SPATA32: variants seen among roughly 807,000 people sequenced by gnomAD.
The protein encoded by SPATA32 is spermatogenesis associated 32, also known as spermatogenesis-associated protein 32.
A neutral mutation model predicts 35.4 loss-of-function variants in SPATA32; 28 were observed. The observed-to-expected ratio is 0.79, with a 90% CI of 0.59 to 1.09. The LOEUF is 1.09. SPATA32 is among the 50% of genes least tolerant of loss of function. The probability of loss-of-function intolerance (pLI) is 0.00; values close to 1 mark genes in which losing one functional copy is unlikely to be tolerated. For synonymous variants in SPATA32, 168 were observed against 196.3 expected, an observed-to-expected ratio of 0.86 and a Z score of 1.20; for missense variants, 409 against 475.9, an observed-to-expected ratio of 0.86 and a Z score of 1.31.
chr17:45,254,803 G>A (rs1379425954), intron 4 of SPATA32, among the ~76,000 whole-genome samples: 7 of 152,210 alleles, frequency 4.6e-5, no homozygotes, highest in African/African-American at 1.7e-4. Flanking sequence ...CAACCTTGGT[G>A]AGGCCCGACC....
At position 45,255,573 on chromosome 17, in the gene SPATA32, G is replaced by A. The variant is rs758270742; in HGVS notation, c.609C>T (p.Ser203=). 32 of 1,613,948 alleles carry A rather than the reference G, an allele frequency of 2.0e-5. No homozygotes were observed. The highest frequency in any genetic ancestry group is 8.3e-5 in the Admixed American group (5 of 60,008). The change falls in exon 4 of 5, where the codon TCC becomes TCT. Residue 203 remains serine (S), a synonymous_variant. Transcript: ENST00000331780. The surrounding 1 kb of genome is among the most constrained non-coding windows in gnomAD (Gnocchi z 5.4). ...CATCAGGGATCTGGAGCTGCTCCTC[G>A]GAGCACAGGGCGTTGGTGGGGATGG... The part of the protein sequence containing the change: ...REAIPTNALC[S]EEQLQIPDAH...
At chr17:45,257,417 C>A (rs1392072096) in intron 1 of SPATA32, among the ~76,000 whole-genome samples, 2 of 152,174 alleles carry the variant, frequency 1.3e-5, no homozygotes, top group East Asian at 1.9e-4. Context: ...CTGTGCCTTG[C>A]CTCCTCGGAG....
Position 45,255,460 on chromosome 17 carries a change from AG to A in SPATA32, c.721del (p.Leu241Ter). The A allele has an allele frequency of 1.2e-6, 2 of 1,614,114 alleles. No individual in the cohort carries two copies. Among genetic ancestry groups the A allele is most frequent in the Non-Finnish European group, 1.7e-6 (2 of 1,180,014 alleles). On this transcript the variant is annotated frameshift_variant, in exon 4 of 5. Coordinates refer to ENST00000331780, the MANE Select transcript of SPATA32 (RefSeq NM_152343.3). LOFTEE classifies it high-confidence loss of function. The surrounding 1 kb of genome is among the most constrained non-coding windows in gnomAD (Gnocchi z 5.4). The stretch of plus-strand genomic sequence containing the variant: ...GGCCAGGGAAGATGCAAAGGTGATT[AG>A]CTCTGTCAGGTCAATGGGTGGCGGG... ...DLPPPIDLTELITFASSLAMA... is the reference protein window; with the variant it reads ...DLPPPIDLTEXITFASSLAMA...
At position 45,256,170 on chromosome 17, in the gene SPATA32, G is replaced by C; in HGVS notation, c.109-97C>G. The C allele has an allele frequency of 7.1e-7, 1 of 1,403,860 alleles. No homozygotes were observed. The highest frequency in any genetic ancestry group is 2.0e-5 in the Admixed American group (1 of 50,228). 87.0% of individuals were successfully genotyped at this position (1,403,860 alleles called of 1,614,324 possible). On this transcript the variant is annotated intron_variant, in intron 3 of 4. Coordinates refer to ENST00000331780, the MANE Select transcript of SPATA32 (RefSeq NM_152343.3). This position sits in a 1 kb window ranked among gnomAD's most constrained non-coding sequence, Gnocchi z 4.7. The stretch of plus-strand genomic sequence containing the variant: ...GAGTCCCTGCCCCACCCCTGCCCTG[G>C]GTCCTGCTGTCTTCCCCCCGCCCCC...
intron 1 of SPATA32, chr17:45,260,965 T>G (rs1352723516): frequency 6.6e-6 from 1 of 152,250 alleles, no homozygotes; most frequent in Admixed American, 6.5e-5. Flanking sequence ...CTGGAAAGCC[T>G]TCTTCTGGCA....
In SPATA32 at chr17:45,255,572, CG is replaced by C. The variant is rs762923202; in HGVS notation, c.609del (p.Glu204ArgfsTer35). ...GCATCAGGGATCTGGAGCTGCTCCT[CG>C]GAGCACAGGGCGTTGGTGGGGATGG... Reference protein sequence around the residue: ...REAIPTNALCSEEQLQIPDAH... With the variant: ...REAIPTNALCXEEQLQIPDAH... On this transcript the variant is annotated frameshift_variant, in exon 4 of 5. Transcript: ENST00000331780. LOFTEE classifies it high-confidence loss of function. This position sits in a 1 kb window ranked among gnomAD's most constrained non-coding sequence, Gnocchi z 5.4. The C allele has an allele frequency of 3.1e-6, 5 of 1,614,040 alleles. No individual in the cohort carries two copies. Among genetic ancestry groups the C allele is most frequent in the Middle Eastern group, 1.6e-4 (1 of 6,062 alleles).
intron 1 of SPATA32, chr17:45,261,678 C>G: frequency 2.8e-6 from 1 of 352,888 alleles, no homozygotes. Context: ...TGAGTCGTTT[C>G]CTGTGCACAA....
At chr17:45,261,778 A>G (rs2044011399) in intron 1 of SPATA32, 2 of 417,946 alleles carry the variant, frequency 4.8e-6, no homozygotes, top group South Asian at 2.7e-4. Context: ...TGTCCGTGAG[A>G]GCACATGGGT....
intron 1 of SPATA32, among the ~76,000 whole-genome samples, chr17:45,258,406 G>T (rs2043976778): frequency 6.6e-6 from 1 of 152,132 alleles, no homozygotes; most frequent in Non-Finnish European, 1.5e-5. Flanking sequence ...CAGGGCCTTT[G>T]CTCCCTTTAC....
Position 45,261,798 on chromosome 17 carries a change from G to A in SPATA32, c.13+206C>T, listed in dbSNP as rs1328506145. ...GTGAGAGCACATGGGTGTGCACCGC[G>A]CAGGGGCTGAGGCTGGGAGCCGTAG... On this transcript the variant is annotated intron_variant, in intron 1 of 4. Transcript: ENST00000331780. 6.4e-5 allele frequency: 29 copies of A among 453,382 alleles called. No individual in the cohort carries two copies. In the East Asian group the frequency reaches 9.2e-4, roughly 14 times the overall value. 28.1% of individuals were successfully genotyped at this position (453,382 alleles called of 1,614,324 possible).
rs2043954492 is a variant in SPATA32 at position 45,256,077 on chromosome 17, A to G, written c.109-4T>C. The G allele has an allele frequency of 3.1e-6, 5 of 1,588,440 alleles. No homozygotes were observed. The East Asian group carries it at 1.1e-4, about 36-fold the overall frequency. ...GCTCTAGCATGTCTGCCTCCAGCTG[A>G]AATGTTTCAACTCAAAGCTGAGGAG... On this transcript the variant is annotated splice_region_variant and splice_polypyrimidine_tract_variant and intron_variant, in intron 3 of 4. Transcript: ENST00000331780. The surrounding 1 kb of genome is among the most constrained non-coding windows in gnomAD (Gnocchi z 4.7).
At chr17:45,261,473 C>T (rs1483548725) in intron 1 of SPATA32, among the ~76,000 whole-genome samples, 2 of 152,194 alleles carry the variant, frequency 1.3e-5, no homozygotes, top group African/African-American at 4.8e-5. Context: ...GGGGATCTGA[C>T]GCCCCTATGG....
In SPATA32 at chr17:45,262,038, G is replaced by A; in HGVS notation, c.-22C>T. On this transcript the variant is annotated 5_prime_UTR_variant, in exon 1 of 5. Coordinates refer to ENST00000331780, the MANE Select transcript of SPATA32 (RefSeq NM_152343.3). ...CCATGCAGACCGAGGCTCTGTCCTGGAGGCGGGGAGCGGGCTGGTGGATGC... is the reference window on the plus strand; with the variant it reads ...CCATGCAGACCGAGGCTCTGTCCTGAAGGCGGGGAGCGGGCTGGTGGATGC... 2.3e-6 allele frequency: 3 copies of A among 1,311,112 alleles called. No homozygotes were observed. Among genetic ancestry groups the A allele is most frequent in the Non-Finnish European group, 2.9e-6 (3 of 1,021,286 alleles). 81.2% of individuals were successfully genotyped at this position (1,311,112 alleles called of 1,614,324 possible).
chr17:45,261,617 A>G (rs2044009512), intron 1 of SPATA32, among the ~76,000 whole-genome samples: 1 of 152,246 alleles, frequency 6.6e-6, no homozygotes, highest in Admixed American at 6.5e-5. Flanking sequence ...TCAAGCATCA[A>G]GGAGGGACAA....
At chr17:45,258,948 A>G (rs549330498) in intron 1 of SPATA32, among the ~76,000 whole-genome samples, 11 of 152,164 alleles carry the variant, frequency 7.2e-5, no homozygotes, top group African/African-American at 2.4e-4. Context: ...AATAATTTCA[A>G]TTTCCAGTGG....
intron 1 of SPATA32, 67 bp downstream of exon 1, chr17:45,261,937 T>C (rs910911318): frequency 1.6e-6 from 2 of 1,281,322 alleles, no homozygotes; most frequent in Non-Finnish European, 2.0e-6. Flanking sequence ...TTCGCGCCCC[T>C]CCCCCTCTCA....
chr17:45,261,683 G>T (rs1049218656), intron 1 of SPATA32: 19 of 358,488 alleles, frequency 5.3e-5, no homozygotes, highest in Admixed American at 9.3e-5. Flanking sequence ...CGTTTCCTGT[G>T]CACAAGGCCA....
At position 45,255,828 on chromosome 17, in the gene SPATA32, C is replaced by T. The variant is rs990471018; in HGVS notation, c.354G>A (p.Leu118=). 16 of 1,614,062 alleles carry T rather than the reference C, an allele frequency of 9.9e-6. No homozygotes were observed. The highest frequency in any genetic ancestry group is 1.2e-5 in the Non-Finnish European group (14 of 1,180,038). ...ACGGTCTGAAGGTCTGTGGCGTGGG[C>T]AGCCCCATGTTGGAGTGGACGGACT... ...KIESVHSNMG[L]PTPQTFRPWS... Residue 118 remains leucine (L), a synonymous_variant, in exon 4 of 5, where the codon CTG becomes CTA. Coordinates refer to ENST00000331780, the MANE Select transcript of SPATA32 (RefSeq NM_152343.3). This position sits in a 1 kb window ranked among gnomAD's most constrained non-coding sequence, Gnocchi z 5.4.
rs1304669691 is a variant in SPATA32 at position 45,256,992 on chromosome 17, AC to A, written c.68+160del. Among the ~76,000 whole-genome samples, 1 of 152,014 alleles carries A rather than the reference AC, an allele frequency of 6.6e-6. No individual in the cohort carries two copies. Among genetic ancestry groups the A allele is most frequent in the Non-Finnish European group, 1.5e-5 (1 of 67,990 alleles). Reference sequence around the variant, plus strand: ...ACAGAAGTGGGAGGATAGGCGCCCCACGCCCTCCCCAGCCTTTTGGCCTGGA... The same window carrying A: ...ACAGAAGTGGGAGGATAGGCGCCCCAGCCCTCCCCAGCCTTTTGGCCTGGA... On this transcript the variant is annotated intron_variant, in intron 2 of 4. Transcript: ENST00000331780. The surrounding 1 kb of genome is among the most constrained non-coding windows in gnomAD (Gnocchi z 4.7).
Sources: allele counts gnomAD v4.1 joint callset (sites outside exome capture counted in the v4.1 genomes callset), GRCh38; gene constraint gnomAD v4.1.1; non-coding constraint Gnocchi (gnomAD v3.1); transcripts MANE v1.5; gene names NCBI Gene and HGNC (gene_info 2026-07-23, HGNC 2026-07-21).